The following HS6ST3 variants were observed in gnomAD, a reference collection of about 807,000 sequenced individuals.
HS6ST3 encodes heparan sulfate 6-O-sulfotransferase 3.
HS6ST3 carries 12 observed loss-of-function variants against 36.7 expected under a neutral mutation model. The observed-to-expected ratio is 0.33, with a 90% CI of 0.21 to 0.53. HS6ST3 has a LOEUF of 0.53. Ranked by LOEUF, HS6ST3 falls within the 20% of genes least tolerant of loss-of-function variation. The pLI, the probability that HS6ST3 is intolerant of heterozygous loss-of-function variation, is 0.95. For synonymous variants in HS6ST3, 240 were observed against 257.5 expected, an observed-to-expected ratio of 0.93 and a Z score of 0.65; for missense variants, 584 against 640.9, an observed-to-expected ratio of 0.91 and a Z score of 0.96.
intron 1 of HS6ST3, among the ~76,000 whole-genome samples, chr13:96,174,823 C>G (rs1429191315): frequency 1.3e-5 from 2 of 152,088 alleles, no homozygotes; most frequent in Non-Finnish European, 2.9e-5. Flanking sequence ...TAGTTATAGT[C>G]AAAAGATATT....
intron 1 of HS6ST3, among the ~76,000 whole-genome samples, chr13:96,262,095 G>A (rs1289742936): frequency 1.3e-5 from 2 of 152,226 alleles, no homozygotes; most frequent in African/African-American, 2.4e-5. Context: ...GGTGCATCAC[G>A]ACTGTCATTC....
intron 1 of HS6ST3, among the ~76,000 whole-genome samples, chr13:96,193,328 A>C (rs923932708): frequency 2.0e-5 from 3 of 152,162 alleles, no homozygotes; most frequent in Non-Finnish European, 4.4e-5. Flanking sequence ...ATTCCATTCC[A>C]TCCGCACTTT....
intron 1 of HS6ST3, among the ~76,000 whole-genome samples, chr13:96,667,263 G>A (rs1286365622): frequency 6.6e-6 from 1 of 152,152 alleles, no homozygotes; most frequent in East Asian, 1.9e-4. Context: ...TTTCTAAGTT[G>A]TAACGAAATC....
intron 1 of HS6ST3, among the ~76,000 whole-genome samples, chr13:96,224,812 T>C (rs890022196): frequency 6.6e-6 from 1 of 152,216 alleles, no homozygotes; most frequent in East Asian, 1.9e-4. Context: ...TTCTACAGGA[T>C]TCTTCTGGTA....
chr13:96,699,467 A>T (rs1875226537), intron 1 of HS6ST3, among the ~76,000 whole-genome samples: 1 of 152,260 alleles, frequency 6.6e-6, no homozygotes, highest in South Asian at 2.1e-4. Flanking sequence ...AAAAGAAGAC[A>T]TTTATGCAGC....
intron 1 of HS6ST3, among the ~76,000 whole-genome samples, chr13:96,645,670 A>G (rs1009645409): frequency 2.0e-5 from 3 of 151,864 alleles, no homozygotes; most frequent in African/African-American, 7.3e-5. Flanking sequence ...CTGTCTTAAG[A>G]TATAGCTTGT....
chr13:96,589,178 C>A (rs1280431840), intron 1 of HS6ST3, among the ~76,000 whole-genome samples: 1 of 151,180 alleles, frequency 6.6e-6, no homozygotes, highest in Non-Finnish European at 1.5e-5. Context: ...AGGTCCTGGG[C>A]TTTTTGTTGA....
rs576062930 is a variant in HS6ST3 at position 96,482,261 on chromosome 13, G to T, written c.708-350229G>T. 3.9e-5 allele frequency among the ~76,000 whole-genome samples: 6 copies of T among 152,116 alleles called. 1 individual carries two copies. The highest frequency in any genetic ancestry group is 3.9e-4 in the Admixed American group (6 of 15,274). On this transcript the variant is annotated intron_variant, in intron 1 of 1. Coordinates refer to ENST00000376705, the MANE Select transcript of HS6ST3 (RefSeq NM_153456.4). ...CGGGGTTCTTTCTCCTGGGGCAAAT[G>T]CATGCTCATTATTTAGGTCTGTCAA...
intron 1 of HS6ST3, among the ~76,000 whole-genome samples, chr13:96,230,460 A>G (rs2139367304): frequency 6.6e-6 from 1 of 152,252 alleles, no homozygotes; most frequent in Non-Finnish European, 1.5e-5. Flanking sequence ...TCCAAGTGTA[A>G]CTATTCAGAT....
At chr13:96,542,773 C>T (rs547126693) in intron 1 of HS6ST3, among the ~76,000 whole-genome samples, 2 of 152,284 alleles carry the variant, frequency 1.3e-5, no homozygotes, top group Non-Finnish European at 2.9e-5. Flanking sequence ...CGGTCAATCT[C>T]TAGGAGATAT....
chr13:96,249,192 G>A (rs992529214), intron 1 of HS6ST3, among the ~76,000 whole-genome samples: 1 of 152,086 alleles, frequency 6.6e-6, no homozygotes, highest in Non-Finnish European at 1.5e-5. Context: ...TCAACTAGTT[G>A]CTTTTCTACA....
intron 1 of HS6ST3, among the ~76,000 whole-genome samples, chr13:96,151,483 A>G (rs1483433263): frequency 6.6e-6 from 1 of 152,066 alleles, no homozygotes; most frequent in African/African-American, 2.4e-5. Flanking sequence ...CAATTACACC[A>G]TGAAGTCTAG....
chr13:96,590,911 T>C (rs2056379763), intron 1 of HS6ST3, among the ~76,000 whole-genome samples: 1 of 152,152 alleles, frequency 6.6e-6, no homozygotes, highest in South Asian at 2.1e-4. Context: ...CTGCATTGGA[T>C]ATCCAGTTTA....
chr13:96,505,470 G>A (rs2056022561), intron 1 of HS6ST3, among the ~76,000 whole-genome samples: 2 of 152,100 alleles, frequency 1.3e-5, no homozygotes, highest in African/African-American at 4.8e-5. Context: ...GTTTGTGCCT[G>A]GGTTTGTCCA....
intron 1 of HS6ST3, among the ~76,000 whole-genome samples, chr13:96,100,060 A>G (rs1540609): frequency 0.4 from 60,453 of 151,866 alleles, 12,245 homozygotes; most frequent in Middle Eastern, 0.44. Flanking sequence ...AATTGGAAGA[A>G]TGATACAAAG....
chr13:96,232,457 A>G (rs2054513377), intron 1 of HS6ST3, among the ~76,000 whole-genome samples: 1 of 152,182 alleles, frequency 6.6e-6, no homozygotes, highest in East Asian at 1.9e-4. Flanking sequence ...TATAAACAAG[A>G]ATGCTTCTGT....
intron 1 of HS6ST3, among the ~76,000 whole-genome samples, chr13:96,310,340 T>G (rs1368655979): frequency 6.6e-6 from 1 of 152,232 alleles, no homozygotes; most frequent in Non-Finnish European, 1.5e-5. Context: ...TATCATTGTG[T>G]TGTGGGACTT....
At chr13:96,381,376 A>G (rs2055339785) in intron 1 of HS6ST3, among the ~76,000 whole-genome samples, 1 of 139,648 alleles carries the variant, frequency 7.2e-6, no homozygotes, top group African/African-American at 2.7e-5. Context: ...CTATTTATCC[A>G]TCTATCTATG....
chr13:96,317,355 TA>T (rs1566322083), intron 1 of HS6ST3, among the ~76,000 whole-genome samples: 2,018 of 71,148 alleles, frequency 0.028, 67 homozygotes, highest in East Asian at 0.092. Flanking sequence ...TATATATATA[TA>T]TATATATATA....
Sources: gnomAD v4.1 joint callset for allele counts (sites outside exome capture counted in the v4.1 genomes callset) on GRCh38, gnomAD v4.1.1 for gene constraint, MANE v1.5 for transcripts, NCBI Gene and HGNC (gene_info 2026-07-23, HGNC 2026-07-21) for gene names.